Variants in NDUFAB1 observed in about 807,000 individuals in gnomAD.
NDUFAB1 encodes the protein NADH:ubiquinone oxidoreductase subunit AB1, also known as acyl carrier protein, mitochondrial.
Under a neutral mutation model 16.1 loss-of-function variants are expected in NDUFAB1, and 5 were observed. The ratio of observed to expected loss-of-function variants is 0.31; its 90% CI spans 0.16 to 0.65. The LOEUF is 0.65. NDUFAB1 is among the 30% of genes least tolerant of loss of function. The pLI, the probability that NDUFAB1 is intolerant of heterozygous loss-of-function variation, is 0.77. For missense variants in NDUFAB1, 187 were observed against 205.3 expected (o/e 0.91, Z 0.54); for synonymous variants, 85 against 78.4 (o/e 1.08, Z -0.44).
In NDUFAB1 at chr16:23,581,035, CAA is replaced by C. The variant is rs1048120006; in HGVS notation, c.*145_*146del. The C allele has an allele frequency of 9.2e-5, 14 of 152,660 alleles. No individual in the cohort carries two copies. Among genetic ancestry groups the C allele is most frequent in the Admixed American group, 3.9e-4 (6 of 15,290 alleles). 9.5% of individuals were successfully genotyped at this position (152,660 alleles called of 1,614,324 possible). A position where few individuals can be genotyped will look rare whatever the true frequency, so the allele number is the denominator to read the frequency against. On this transcript the variant is annotated 3_prime_UTR_variant, in exon 5 of 5. Transcript: ENST00000007516. ...AATGTTGGTTTTATAGATTTATTTT[CAA>C]AGAGTAAAACACATACAATTTAAAT...
intron 3 of NDUFAB1, among the ~76,000 whole-genome samples, chr16:23,583,230 G>C (rs938279040): frequency 6.6e-6 from 1 of 152,214 alleles, no homozygotes; most frequent in African/African-American, 2.4e-5. Flanking sequence ...GCCTCTGCCT[G>C]GCCGCCCATC....
rs117130834 is a variant in NDUFAB1, at chr16:23,592,821, T to C, written c.168+3302A>G. ...GTGACTAGTTGCTCTGAAGTTGGCA[T>C]AGTGGATGGATTTGAGGAGAGGAAA... On this transcript the variant is annotated intron_variant, in intron 1 of 4. Coordinates refer to ENST00000007516, the MANE Select transcript of NDUFAB1 (RefSeq NM_005003.3). Among the ~76,000 whole-genome samples, 29 of 152,288 alleles carry C rather than the reference T, an allele frequency of 1.9e-4. No individual in the cohort carries two copies. In the East Asian group the frequency reaches 5.6e-3, roughly 29 times the overall value.
chr16:23,588,507 G>A (rs1469924519), intron 1 of NDUFAB1, among the ~76,000 whole-genome samples: 1 of 152,202 alleles, frequency 6.6e-6, no homozygotes, highest in East Asian at 1.9e-4. Flanking sequence ...TTTACCTCCT[G>A]AAGTTGATTT....
At chr16:23,582,547 G>A (rs2142230595) in intron 3 of NDUFAB1, among the ~76,000 whole-genome samples, 172 bp from the exon 4 acceptor site, 1 of 150,724 alleles carries the variant, frequency 6.6e-6, no homozygotes, top group African/African-American at 2.4e-5. Flanking sequence ...TACAGGTTGG[G>A]TACGATGCTT....
intron 1 of NDUFAB1, among the ~76,000 whole-genome samples, chr16:23,588,411 G>A (rs558256085): frequency 6.6e-6 from 1 of 152,206 alleles, no homozygotes; most frequent in Admixed American, 6.5e-5. Context: ...CCGAGCCTGC[G>A]CCATTGCATT....
At chr16:23,582,080 G>T in intron 4 of NDUFAB1, 196 bp downstream of exon 4, 1 of 492,004 alleles carries the variant, frequency 2.0e-6, no homozygotes, top group South Asian at 3.6e-5. Flanking sequence ...ATCCAGGAAT[G>T]ACAGTTCTCA....
At chr16:23,592,231 C>G (rs182299550) in intron 1 of NDUFAB1, among the ~76,000 whole-genome samples, 1 of 151,986 alleles carries the variant, frequency 6.6e-6, no homozygotes, top group Non-Finnish European at 1.5e-5. Context: ...GTTATCCCAG[C>G]TAGTCAAGGG....
chr16:23,588,981 GAAAAGA>G (rs1400066750), intron 1 of NDUFAB1, among the ~76,000 whole-genome samples: 1 of 151,892 alleles, frequency 6.6e-6, no homozygotes, highest in Non-Finnish European at 1.5e-5. Context: ...TCTCAAAAAA[GAAAAGA>G]AAAAGAAGTC....
chr16:23,582,604 T>A (rs1203868929), intron 3 of NDUFAB1, among the ~76,000 whole-genome samples: 1 of 149,274 alleles, frequency 6.7e-6, no homozygotes, highest in Non-Finnish European at 1.5e-5. Flanking sequence ...GAGATAGAAT[T>A]CACATAATAG....
At chr16:23,596,011 C>A (rs542901200) in intron 1 of NDUFAB1, 112 bp downstream of exon 1, 10 of 1,299,474 alleles carry the variant, frequency 7.7e-6, no homozygotes, top group East Asian at 2.7e-5. Flanking sequence ...GAGCCGGCTG[C>A]CCCCCGGGTC....
intron 3 of NDUFAB1, among the ~76,000 whole-genome samples, chr16:23,582,754 G>T (rs1966191953): frequency 1.5e-5 from 2 of 137,798 alleles, no homozygotes; most frequent in Non-Finnish European, 3.2e-5. Context: ...TCTTCCCACG[G>T]TCTCCCTCTC....
chr16:23,583,227 C>T (rs1374795799), intron 3 of NDUFAB1, among the ~76,000 whole-genome samples: 5 of 152,238 alleles, frequency 3.3e-5, no homozygotes. Flanking sequence ...GCAGCCTCTG[C>T]CTGGCCGCCC....
At chr16:23,583,091 T>C (rs1430396187) in intron 3 of NDUFAB1, among the ~76,000 whole-genome samples, 2 of 152,290 alleles carry the variant, frequency 1.3e-5, no homozygotes, top group African/African-American at 2.4e-5. Flanking sequence ...GGTGCCGGGA[T>C]TGCAGATGGA....
Position 23,596,143 on chromosome 16 carries a change from G to A in NDUFAB1, c.148C>T (p.Pro50Ser), listed in dbSNP as rs756556578. ...GTQTRLGTLQ[P>S]ALVLAQVPGR... is the part of the protein sequence containing the mutation. ...GTCACCTGCGCGAGCACTAAGGCCGGCTGCAAAGTCCCGAGCCTCGTCTGG... is the reference window on the plus strand; with the variant it reads ...GTCACCTGCGCGAGCACTAAGGCCGACTGCAAAGTCCCGAGCCTCGTCTGG... The change falls in exon 1 of 5, where the codon CCG becomes TCG. Residue 50 changes from proline to serine, a missense_variant. Coordinates refer to ENST00000007516, the MANE Select transcript of NDUFAB1 (RefSeq NM_005003.3). 1.9e-6 allele frequency: 3 copies of A among 1,608,840 alleles called. No homozygotes were observed. Among genetic ancestry groups the A allele is most frequent in the African/African-American group, 2.7e-5 (2 of 74,092 alleles).
rs748708210 is a variant in NDUFAB1, at chr16:23,587,326, C to A, written c.169-7G>T. Reference sequence around the variant, plus strand: ...GTGTAACTCTACCAGGAACCTAGAGCGACGGCAGGAAGGAAACACTGTCAT... The same window carrying A: ...GTGTAACTCTACCAGGAACCTAGAGAGACGGCAGGAAGGAAACACTGTCAT... On this transcript the variant is annotated splice_polypyrimidine_tract_variant and splice_region_variant and intron_variant, in intron 1 of 4. Coordinates refer to ENST00000007516, the MANE Select transcript of NDUFAB1 (RefSeq NM_005003.3). The A allele has an allele frequency of 2.5e-6, 4 of 1,612,202 alleles. No homozygotes were observed. In the African/African-American group the frequency reaches 5.3e-5, roughly 22 times the overall value.
chr16:23,587,248 C>T lies in NDUFAB1; in HGVS notation c.240G>A (p.Gln80=). 6.2e-7 allele frequency: 1 copy of T among 1,614,118 alleles called. No homozygotes were observed. The highest frequency in any genetic ancestry group is 1.3e-5 in the African/African-American group (1 of 75,030). The change falls in exon 2 of 5, where the codon CAG becomes CAA. Residue 80 remains glutamine, a synonymous_variant. Transcript: ENST00000007516. The part of the protein sequence containing the change: ...DMPPLTLEGI[Q]DRVLYVLKLY... ...GTTTCAATACGTAAAGAACACGGTC[C>T]TGGATGCCCTCTAACGTCAAAGGAG...
At chr16:23,590,648 T>C (rs1419294277) in intron 1 of NDUFAB1, among the ~76,000 whole-genome samples, 1 of 150,764 alleles carries the variant, frequency 6.6e-6, no homozygotes, top group Non-Finnish European at 1.5e-5. Flanking sequence ...CTTTTTTTTT[T>C]TTTTTTCAGA....
intron 1 of NDUFAB1, chr16:23,595,397 C>G (rs930337153): frequency 3.8e-5 from 14 of 367,638 alleles, no homozygotes; most frequent in African/African-American, 2.6e-4. Context: ...GTTCCAGGAC[C>G]CCCGACTATA....
At chr16:23,585,940 G>C (rs1321848497) in intron 2 of NDUFAB1, among the ~76,000 whole-genome samples, 2 of 151,942 alleles carry the variant, frequency 1.3e-5, no homozygotes, top group Non-Finnish European at 2.9e-5. Flanking sequence ...TCTGTTTTTT[G>C]GTTTTTTGAG....
Sources: gnomAD v4.1 joint callset for allele counts (sites outside exome capture counted in the v4.1 genomes callset) on GRCh38, gnomAD v4.1.1 for gene constraint, MANE v1.5 for transcripts, NCBI Gene and HGNC (gene_info 2026-07-23, HGNC 2026-07-21) for gene names.